GRIN2B: variants seen among roughly 807,000 people sequenced by gnomAD.
The protein encoded by GRIN2B is glutamate ionotropic receptor NMDA type subunit 2B.
A neutral mutation model predicts 114.5 loss-of-function variants in GRIN2B; 5 were observed. The ratio of observed to expected loss-of-function variants is 0.04; its 90% confidence interval spans 0.02 to 0.09. The LOEUF (loss-of-function observed/expected upper bound fraction) is 0.09. GRIN2B is among the 10% of genes least tolerant of loss of function. GRIN2B has a pLI of 1.00. For missense variants in GRIN2B, 1,108 were observed against 1,943.5 expected (o/e 0.57, Z 8.08); for synonymous variants, 787 against 745.1 (o/e 1.06, Z -0.92).
chr12:13,974,577 C>A (rs1591649180), intron 2 of GRIN2B, among the ~76,000 whole-genome samples: 2 of 152,182 alleles, frequency 1.3e-5, no homozygotes, highest in East Asian at 3.8e-4. Context: ...ACCTGTCTTT[C>A]TGTATCCTAT....
chr12:13,725,817 G>A (rs1263012809), intron 4 of GRIN2B, among the ~76,000 whole-genome samples: 1 of 152,114 alleles, frequency 6.6e-6, no homozygotes, highest in East Asian at 1.9e-4. Context: ...CTGCCAGAAT[G>A]AAGGAGCCCA....
intron 3 of GRIN2B, among the ~76,000 whole-genome samples, chr12:13,765,155 C>T (rs111448855): frequency 1.6e-4 from 24 of 152,316 alleles, no homozygotes; most frequent in African/African-American, 5.3e-4. Context: ...CCTAAAAGTG[C>T]CAATCTGCTC....
intron 4 of GRIN2B, among the ~76,000 whole-genome samples, chr12:13,746,592 C>A (rs1248432277): frequency 6.6e-6 from 1 of 152,188 alleles, no homozygotes; most frequent in East Asian, 1.9e-4. Context: ...GTATCCCCTG[C>A]CCTCTCCTCC....
chr12:13,905,251 C>T (rs1866517983), intron 2 of GRIN2B, among the ~76,000 whole-genome samples: 1 of 152,154 alleles, frequency 6.6e-6, no homozygotes, highest in Non-Finnish European at 1.5e-5. Flanking sequence ...TCTCTCCCTG[C>T]TGCCTTCTGG....
rs1392292815 is a variant in GRIN2B, at chr12:13,560,856, AGGGCAAACAG to A, written c.*1917_*1926del. 6.6e-6 allele frequency: 1 copy of A among 152,306 alleles called. No homozygotes were observed. The highest frequency in any genetic ancestry group is 2.4e-5 in the African/African-American group (1 of 41,468). 9.4% of individuals were successfully genotyped at this position (152,306 alleles called of 1,614,324 possible). A position where few individuals can be genotyped will look rare whatever the true frequency, so the allele number is the denominator to read the frequency against. On this transcript the variant is annotated 3_prime_UTR_variant, in exon 14 of 14. Transcript: ENST00000609686. The stretch of plus-strand genomic sequence containing the variant: ...GCGGGATGAGGAAGGGTCACGAGTG[AGGGCAAACAG>A]GGGCGAAGAGCAGCCCTGGAGGGAG...
intron 4 of GRIN2B, among the ~76,000 whole-genome samples, chr12:13,702,694 A>G (rs1433797071): frequency 6.6e-6 from 1 of 152,152 alleles, no homozygotes; most frequent in Non-Finnish European, 1.5e-5. Flanking sequence ...TACCCCATAA[A>G]GACGGACCCC....
intron 5 of GRIN2B, among the ~76,000 whole-genome samples, chr12:13,649,965 A>G (rs1221817155): frequency 6.6e-6 from 1 of 152,084 alleles, no homozygotes; most frequent in African/African-American, 2.4e-5. Context: ...AGAACCAGCA[A>G]TTCACTTCAA....
At chr12:13,681,468 C>A (rs992623266) in intron 4 of GRIN2B, among the ~76,000 whole-genome samples, 2 of 152,126 alleles carry the variant, frequency 1.3e-5, no homozygotes, top group African/African-American at 4.8e-5. Flanking sequence ...GAACACAGTT[C>A]CAGGCAAGGG....
intron 2 of GRIN2B, among the ~76,000 whole-genome samples, chr12:13,972,744 C>G (rs1047266844): frequency 1.3e-5 from 2 of 152,218 alleles, no homozygotes; most frequent in African/African-American, 2.4e-5. Flanking sequence ...GAGGAGGACA[C>G]GTAACCTCCA....
chr12:13,819,832 G>C (rs931881270), intron 3 of GRIN2B, among the ~76,000 whole-genome samples: 2 of 152,138 alleles, frequency 1.3e-5, no homozygotes, highest in African/African-American at 4.8e-5. Flanking sequence ...AGAGACTGTG[G>C]ACTTGGTCAA....
chr12:13,633,905 C>T, intron 5 of GRIN2B, among the ~76,000 whole-genome samples: 1 of 151,288 alleles, frequency 6.6e-6, no homozygotes, highest in Non-Finnish European at 1.5e-5. Flanking sequence ...GCCTACGACA[C>T]AGCTGCTGAC....
rs200767968 is a variant in GRIN2B, at chr12:13,866,047, G to A, written c.162C>T (p.His54=). 1.9e-5 allele frequency: 30 copies of A among 1,613,920 alleles called. No individual in the cohort carries two copies. The highest frequency in any genetic ancestry group is 1.6e-4 in the Middle Eastern group (1 of 6,082). The change falls in exon 3 of 14, where the codon CAC becomes CAT. Residue 54 remains histidine (H), a synonymous_variant. Coordinates refer to ENST00000609686, the MANE Select transcript of GRIN2B (RefSeq NM_000834.5). ...TSDEVAIKDA[H]EKDDFHHLSV... is the part of the protein sequence containing the mutation. Reference sequence around the variant, plus strand: ...AGAGATGGTGGAAATCATCTTTCTCGTGGGCATCCTTGATGGCCACCTCGT... The same window carrying A: ...AGAGATGGTGGAAATCATCTTTCTCATGGGCATCCTTGATGGCCACCTCGT...
In GRIN2B at chr12:13,881,431, G is replaced by T. The variant is rs147978952; in HGVS notation, c.-18-15205C>A. Among the ~76,000 whole-genome samples the T allele has an allele frequency of 4.0e-3, 607 of 152,158 alleles. 2 individuals are homozygous for T. Among genetic ancestry groups the T allele is most frequent in the Middle Eastern group, 0.014 (4 of 294 alleles). On this transcript the variant is annotated intron_variant, in intron 2 of 13. Coordinates refer to ENST00000609686, the MANE Select transcript of GRIN2B (RefSeq NM_000834.5). ...TCAGCGGGTTTCATTTCTAGACCAG[G>T]ATATAACCATGACCCACCAATCCCC...
rs373162472 is a variant in GRIN2B, at chr12:13,546,637, A to G, written c.*16146T>C. The G allele has an allele frequency of 6.6e-6, 1 of 152,040 alleles. No homozygotes were observed. Among genetic ancestry groups the G allele is most frequent in the East Asian group, 1.9e-4 (1 of 5,174 alleles). 9.4% of individuals were successfully genotyped at this position (152,040 alleles called of 1,614,324 possible). On this transcript the variant is annotated 3_prime_UTR_variant, in exon 14 of 14. Coordinates refer to ENST00000609686, the MANE Select transcript of GRIN2B (RefSeq NM_000834.5). ...TTTCCCATTCAACCTTCTGTTTCTC[A>G]TTCCAATAGACACACAATATTAATG...
In GRIN2B at chr12:13,927,982, A is replaced by AAAAAAAAAAAAAAG. The variant is rs71067738; in HGVS notation, c.-19+51945_-19+51946insCTTTTTTTTTTTTT. On this transcript the variant is annotated intron_variant, in intron 2 of 13. Coordinates refer to ENST00000609686, the MANE Select transcript of GRIN2B (RefSeq NM_000834.5). ...ACCCTGTCTCAAAAAAAAAAAAAAA[A>AAAAAAAAAAAAAAG]GGGGGGGTATGCTGTGGAAAGGATG... is the stretch of plus-strand genomic sequence containing the variant. Among the ~76,000 whole-genome samples the AAAAAAAAAAAAAAG allele has an allele frequency of 2.1e-4, 27 of 129,794 alleles. 1 individual carries two copies. The highest frequency in any genetic ancestry group is 6.5e-4 in the African/African-American group (23 of 35,648). The allele number at this position is 129,794 out of a possible 152,430, so 85.1% of individuals were successfully genotyped here. A position where few individuals can be genotyped will look rare whatever the true frequency, so the allele number is the denominator to read the frequency against.
chr12:13,680,853 A>C (rs905172018), intron 4 of GRIN2B, among the ~76,000 whole-genome samples: 19 of 152,104 alleles, frequency 1.2e-4, no homozygotes, highest in African/African-American at 4.6e-4. Context: ...AGACTGCATA[A>C]AACAAAATCT....
At chr12:13,730,132 C>G (rs1304473745) in intron 4 of GRIN2B, among the ~76,000 whole-genome samples, 2 of 152,066 alleles carry the variant, frequency 1.3e-5, no homozygotes, top group African/African-American at 4.8e-5. Context: ...GTGCCATCCC[C>G]AGGCTGGGGT....
At chr12:13,717,978 T>C (rs2136589016) in intron 4 of GRIN2B, among the ~76,000 whole-genome samples, 1 of 152,180 alleles carries the variant, frequency 6.6e-6, no homozygotes, top group Non-Finnish European at 1.5e-5. Context: ...ATTTTCTCTT[T>C]AATGTCTTTC....
chr12:13,773,248 A>G (rs1863940375), intron 3 of GRIN2B, among the ~76,000 whole-genome samples: 1 of 152,212 alleles, frequency 6.6e-6, no homozygotes, highest in African/African-American at 2.4e-5. Context: ...CCCCAAGTCT[A>G]ATTTTTTTAG....
Sources: gnomAD v4.1 joint callset for allele counts (sites outside exome capture counted in the v4.1 genomes callset) on GRCh38, gnomAD v4.1.1 for gene constraint, MANE v1.5 for transcripts, NCBI Gene and HGNC (gene_info 2026-07-23, HGNC 2026-07-21) for gene names.